Variants in MAGI3 observed in about 807,000 individuals in gnomAD.
MAGI3 encodes membrane associated guanylate kinase, WW and PDZ domain containing 3.
A neutral mutation model predicts 121.8 loss-of-function variants in MAGI3; 43 were observed. That is an observed-to-expected ratio of 0.35 (90% CI 0.28 to 0.46). The LOEUF (loss-of-function observed/expected upper bound fraction) is 0.46. Ranked by LOEUF, MAGI3 falls within the 20% of genes least tolerant of loss-of-function variation. MAGI3 has a pLI of 1.00. For synonymous variants in MAGI3, 553 were observed against 639.3 expected, an observed-to-expected ratio of 0.86 and a Z score of 2.04; for missense variants, 1,547 against 1,797.3, an observed-to-expected ratio of 0.86 and a Z score of 2.52.
chr1:113,682,064 C>A, intron 20 of MAGI3: 1 of 617,968 alleles, frequency 1.6e-6, no homozygotes, highest in South Asian at 2.2e-5. Context: ...TAACCTCCTA[C>A]AGTACCCTTC....
chr1:113,511,718 A>G (rs1188588259), intron 1 of MAGI3, among the ~76,000 whole-genome samples: 1 of 152,230 alleles, frequency 6.6e-6, no homozygotes, highest in Non-Finnish European at 1.5e-5. Context: ...ATTGGGTCAG[A>G]TCATCTGGCA....
chr1:113,437,868 T>TTCTC, intron 1 of MAGI3, among the ~76,000 whole-genome samples: 1 of 14,016 alleles, frequency 7.1e-5, no homozygotes, highest in East Asian at 2.3e-3. Context: ...TTCTTCCTCT[T>TTCTC]CTTCTTCTTC....
intron 1 of MAGI3, among the ~76,000 whole-genome samples, chr1:113,521,067 A>G (rs1658151634): frequency 6.6e-6 from 1 of 151,584 alleles, no homozygotes; most frequent in South Asian, 2.1e-4. Context: ...CTTTAAGAAA[A>G]ATTTTGCCAT....
At chr1:113,565,742 G>A (rs190236957) in intron 2 of MAGI3, among the ~76,000 whole-genome samples, 120 of 152,214 alleles carry the variant, frequency 7.9e-4, no homozygotes, top group African/African-American at 2.7e-3. Context: ...CATCTTATTA[G>A]TATTGTTTTA....
chr1:113,585,447 T>C lies in MAGI3; in HGVS notation c.614T>C (p.Val205Ala), dbSNP rs747946937. 1.2e-6 allele frequency: 2 copies of C among 1,614,000 alleles called. No homozygotes were observed. Among genetic ancestry groups the C allele is most frequent in the Non-Finnish European group, 1.7e-6 (2 of 1,180,014 alleles). Residue 205 changes from valine (V) to alanine (A), a missense_variant, in exon 4 of 21, where the codon GTT (valine) becomes GCT (alanine). By Grantham distance (64) the Val-to-Ala change is moderately conservative. Transcript: ENST00000307546. ...CCCAGCCCTTTTCAGCCAGATCCAG[T>C]TGATCAAGTCCTCTTTGATAATGAG... is the stretch of plus-strand genomic sequence containing the variant. ...AEPSPFQPDP[V>A]DQVLFDNEFD... is the part of the protein sequence containing the mutation.
At chr1:113,563,090 A>G (rs1660304849) in intron 2 of MAGI3, among the ~76,000 whole-genome samples, 1 of 152,228 alleles carries the variant, frequency 6.6e-6, no homozygotes. Context: ...GCAAGTCAAT[A>G]TATATAGCAA....
chr1:113,537,736 A>T (rs1046131712), intron 1 of MAGI3, among the ~76,000 whole-genome samples: 29 of 151,974 alleles, frequency 1.9e-4, no homozygotes, highest in African/African-American at 6.3e-4. Context: ...TTCATTTTTG[A>T]TTATTTTTTC....
intron 8 of MAGI3, 73 bp from the exon 9 acceptor site, chr1:113,622,733 A>G (rs932707515): frequency 4.1e-6 from 5 of 1,227,190 alleles, no homozygotes; most frequent in Non-Finnish European, 5.6e-6. Context: ...AAAGTCATAT[A>G]AAAGATTGAC....
chr1:113,599,377 A>C (rs938850605), intron 6 of MAGI3, among the ~76,000 whole-genome samples: 1 of 152,162 alleles, frequency 6.6e-6, no homozygotes, highest in African/African-American at 2.4e-5. Context: ...ATAAAAAATG[A>C]TAAAAGGGGA....
intron 20 of MAGI3, 109 bp downstream of exon 20, chr1:113,681,445 G>T (rs926509019): frequency 3.3e-6 from 4 of 1,215,454 alleles, no homozygotes; most frequent in Non-Finnish European, 4.5e-6. Flanking sequence ...TTAATTCAGA[G>T]GTGAATGCTA....
At chr1:113,660,244 C>A (rs1653708575) in intron 16 of MAGI3, among the ~76,000 whole-genome samples, 1 of 152,312 alleles carries the variant, frequency 6.6e-6, no homozygotes, top group South Asian at 2.1e-4. Flanking sequence ...TTCCAAGATG[C>A]TGTGACATCC....
intron 20 of MAGI3, chr1:113,682,304 TA>T (rs1557890923): frequency 6.3e-7 from 1 of 1,589,200 alleles, no homozygotes; most frequent in Non-Finnish European, 8.5e-7. Context: ...AAAGACTTGG[TA>T]AATTTGCATG....
chr1:113,414,437 G>T (rs1384652265), intron 1 of MAGI3, among the ~76,000 whole-genome samples: 1 of 152,102 alleles, frequency 6.6e-6, no homozygotes, highest in Non-Finnish European at 1.5e-5. Context: ...TATTGAAATA[G>T]TTTCAGAAGG....
Position 113,549,575 on chromosome 1 carries a change from T to C in MAGI3, c.377T>C (p.Ile126Thr), listed in dbSNP as rs776678698. Residue 126 changes from isoleucine to threonine, a missense_variant, in exon 2 of 21, where the codon ATT (isoleucine) becomes ACT (threonine). Ile to Thr is a moderately conservative substitution (Grantham distance 89). Coordinates refer to ENST00000307546, the MANE Select transcript of MAGI3 (RefSeq NM_001142782.2). ...YLSLQFQKGS[I>T]DHKLQQVIRD... is the part of the protein sequence containing the mutation. ...AGTCTTCAGTTTCAAAAAGGATCAA[T>C]TGACCACAAACTGCAGCAAGTGATC... 17 of 1,611,502 alleles carry C rather than the reference T, an allele frequency of 1.1e-5. No homozygotes were observed. The highest frequency in any genetic ancestry group is 4.5e-5 in the East Asian group (2 of 44,772).
chr1:113,670,721 A>G (rs116615141), intron 16 of MAGI3, among the ~76,000 whole-genome samples: 244 of 152,326 alleles, frequency 1.6e-3, no homozygotes, highest in African/African-American at 5.8e-3. Flanking sequence ...TATTCTAAGC[A>G]TGTATATTTA....
rs556549531 is a variant in MAGI3, at chr1:113,513,540, T to G, written c.317-35975T>G. ...AAGCAATGGGGAAAGGATTCTCTATTTAATAAATGGTGTTGGGAAAACTGG... is the reference window on the plus strand; with the variant it reads ...AAGCAATGGGGAAAGGATTCTCTATGTAATAAATGGTGTTGGGAAAACTGG... On this transcript the variant is annotated intron_variant, in intron 1 of 20. Transcript: ENST00000307546. 6.6e-5 allele frequency among the ~76,000 whole-genome samples: 10 copies of G among 152,234 alleles called. No homozygotes were observed. In the South Asian group the frequency reaches 1.5e-3, roughly 22 times the overall value.
At chr1:113,573,790 G>GGT (rs1449811437) in intron 2 of MAGI3, among the ~76,000 whole-genome samples, 1 of 152,048 alleles carries the variant, frequency 6.6e-6, no homozygotes, top group Non-Finnish European at 1.5e-5. Context: ...TTGACAGTGG[G>GGT]GTGTTATAGT....
At position 113,673,465 on chromosome 1, in the gene MAGI3, T is replaced by C. The variant is rs1418888373; in HGVS notation, c.3189T>C (p.His1063=). 3 of 1,612,520 alleles carry C rather than the reference T, an allele frequency of 1.9e-6. No individual in the cohort carries two copies. Among genetic ancestry groups the C allele is most frequent in the Admixed American group, 3.3e-5 (2 of 59,950 alleles). The change falls in exon 19 of 21, where the codon CAT becomes CAC. Residue 1063 remains histidine, a splice_region_variant and synonymous_variant. Transcript: ENST00000307546. The stretch of plus-strand genomic sequence containing the variant: ...CTGCCATCAAAGATGGCAGAATTCA[T>C]GTGAGTTGGTTTCTGTCTGTAACCT... The part of the protein sequence containing the change: ...DGPAIKDGRI[H]VGDQIVEING...
chr1:113,654,085 T>C, intron 15 of MAGI3, 67 bp downstream of exon 15: 1 of 1,293,282 alleles, frequency 7.7e-7, no homozygotes, highest in Non-Finnish European at 1.1e-6. Context: ...CACTGGAGTT[T>C]ATGAAATAAT....
Sources: allele counts gnomAD v4.1 joint callset (sites outside exome capture counted in the v4.1 genomes callset), GRCh38; gene constraint gnomAD v4.1.1; transcripts MANE v1.5; gene names NCBI Gene and HGNC (gene_info 2026-07-23, HGNC 2026-07-21).